Variants in AGBL4 observed in about 807,000 individuals in gnomAD.
AGBL4 encodes cytosolic carboxypeptidase 6.
AGBL4 carries 58 observed loss-of-function variants against 66.4 expected under a neutral mutation model. That is an observed-to-expected ratio of 0.87 (90% CI 0.71 to 1.09). The LOEUF (loss-of-function observed/expected upper bound fraction) is 1.09, where lower values mean the gene tolerates loss of function less well. Ranked by LOEUF, AGBL4 falls within the 50% of genes least tolerant of loss-of-function variation. AGBL4 has a pLI of 0.00. For synonymous variants in AGBL4, 234 were observed against 222.9 expected (o/e 1.05, Z -0.44); for missense variants, 579 against 631.0 (o/e 0.92, Z 0.88).
At chr1:49,275,058 C>T (rs1458903439) in intron 3 of AGBL4, among the ~76,000 whole-genome samples, 1 of 152,162 alleles carries the variant, frequency 6.6e-6, no homozygotes, top group African/African-American at 2.4e-5. Flanking sequence ...CAGTTATTTA[C>T]ATTTGTTCCA....
intron 6 of AGBL4, among the ~76,000 whole-genome samples, chr1:48,684,318 C>T (rs1646497958): frequency 1.3e-5 from 2 of 152,134 alleles, no homozygotes; most frequent in South Asian, 4.1e-4. Flanking sequence ...AGTGAATAGT[C>T]CAAAGAAGAA....
chr1:49,268,791 T>G (rs1002777230), intron 3 of AGBL4, among the ~76,000 whole-genome samples: 1 of 152,196 alleles, frequency 6.6e-6, no homozygotes, highest in Non-Finnish European at 1.5e-5. Context: ...CTTTTCTTGA[T>G]GAGACATTTA....
intron 1 of AGBL4, among the ~76,000 whole-genome samples, chr1:49,897,725 C>A (rs1231231016): frequency 6.6e-6 from 1 of 151,966 alleles, no homozygotes; most frequent in African/African-American, 2.4e-5. Flanking sequence ...GATAGTAACT[C>A]AAACAGCATG....
intron 1 of AGBL4, among the ~76,000 whole-genome samples, chr1:49,958,041 G>T (rs1001844085): frequency 1.3e-5 from 2 of 151,934 alleles, no homozygotes; most frequent in Admixed American, 6.6e-5. Flanking sequence ...AGGAGCTCTT[G>T]TAGGGCAGGC....
intron 5 of AGBL4, among the ~76,000 whole-genome samples, chr1:49,040,641 T>G (rs1421888822): frequency 6.6e-6 from 1 of 152,124 alleles, no homozygotes; most frequent in African/African-American, 2.4e-5. Flanking sequence ...TACTGATACA[T>G]GCTATAATAT....
At chr1:49,284,194 C>A (rs1024441456) in intron 3 of AGBL4, among the ~76,000 whole-genome samples, 3 of 152,130 alleles carry the variant, frequency 2.0e-5, no homozygotes, top group Non-Finnish European at 4.4e-5. Context: ...CCCTACAAGC[C>A]AGAAGAGAGT....
intron 6 of AGBL4, among the ~76,000 whole-genome samples, chr1:48,678,255 C>A (rs954919504): frequency 3.9e-5 from 6 of 152,180 alleles, no homozygotes; most frequent in Non-Finnish European, 7.3e-5. Flanking sequence ...TCTGCCCCAC[C>A]TTTGCTCTCT....
chr1:49,219,396 T>G (rs80080113), intron 4 of AGBL4, among the ~76,000 whole-genome samples: 1 of 152,292 alleles, frequency 6.6e-6, no homozygotes, highest in Non-Finnish European at 1.5e-5. Flanking sequence ...AATACAATTA[T>G]CAGTCTTTTC....
chr1:49,394,105 C>G (rs1229655414), intron 3 of AGBL4, among the ~76,000 whole-genome samples: 2 of 151,604 alleles, frequency 1.3e-5, no homozygotes, highest in African/African-American at 2.4e-5. Flanking sequence ...TATTTGGGAT[C>G]AAAAGTGTCA....
intron 3 of AGBL4, among the ~76,000 whole-genome samples, chr1:49,296,835 C>G (rs1380386592): frequency 6.6e-6 from 1 of 152,206 alleles, no homozygotes; most frequent in East Asian, 1.9e-4. Context: ...CAGCAGCAAC[C>G]TCAGTCAATG....
rs561733051 is a variant in AGBL4, at chr1:49,604,923, T to C, written c.282+92390A>G. On this transcript the variant is annotated intron_variant, in intron 3 of 13. Coordinates refer to ENST00000371839, the MANE Select transcript of AGBL4 (RefSeq NM_032785.4). ...CATACAGAGCTTTCAATGAATAAGA[T>C]TTTTTTCTACCTTTGTAATTATTAT... Among the ~76,000 whole-genome samples, 5 of 152,272 alleles carry C rather than the reference T, an allele frequency of 3.3e-5. No homozygotes were observed. In the South Asian group the frequency reaches 1.0e-3, roughly 32 times the overall value.
Position 49,161,004 on chromosome 1 carries a change from C to T in AGBL4, c.377+84766G>A, listed in dbSNP as rs952801959. Among the ~76,000 whole-genome samples the T allele has an allele frequency of 4.6e-5, 7 of 152,064 alleles. No individual in the cohort carries two copies. The South Asian group carries it at 6.2e-4, about 14-fold the overall frequency. On this transcript the variant is annotated intron_variant, in intron 4 of 13. Coordinates refer to ENST00000371839, the MANE Select transcript of AGBL4 (RefSeq NM_032785.4). ...TTCTGGGCTCCCTCGGGGTGGGAGT[C>T]GCCAAGCTAGACCACTTGGCTCCCT...
intron 3 of AGBL4, among the ~76,000 whole-genome samples, chr1:49,255,520 T>A (rs1652412363): frequency 6.6e-6 from 1 of 152,110 alleles, no homozygotes; most frequent in African/African-American, 2.4e-5. Context: ...AAATAGATAA[T>A]GGCAAGGTTG....
chr1:49,249,351 T>C (rs1651873472), intron 3 of AGBL4, among the ~76,000 whole-genome samples: 1 of 151,702 alleles, frequency 6.6e-6, no homozygotes, highest in South Asian at 2.1e-4. Context: ...ATAAACAGAA[T>C]ATATAAGGAA....
intron 6 of AGBL4, among the ~76,000 whole-genome samples, chr1:48,726,146 T>C (rs1647257830): frequency 6.6e-6 from 1 of 152,202 alleles, no homozygotes; most frequent in Non-Finnish European, 1.5e-5. Flanking sequence ...AATATATGCA[T>C]CAAACATTAC....
At chr1:49,788,762 G>A (rs936987585) in intron 2 of AGBL4, among the ~76,000 whole-genome samples, 11 of 152,290 alleles carry the variant, frequency 7.2e-5, no homozygotes, top group Middle Eastern at 3.4e-3. Flanking sequence ...CTTCGTGGAC[G>A]CATGGGAAAA....
intron 1 of AGBL4, among the ~76,000 whole-genome samples, chr1:49,964,873 C>A (rs1657424234): frequency 6.6e-6 from 1 of 152,022 alleles, no homozygotes; most frequent in Non-Finnish European, 1.5e-5. Context: ...TGATTTAGGA[C>A]ATTAGATTAT....
At chr1:49,798,539 T>C (rs1644784165) in intron 2 of AGBL4, among the ~76,000 whole-genome samples, 1 of 152,214 alleles carries the variant, frequency 6.6e-6, no homozygotes, top group Non-Finnish European at 1.5e-5. Flanking sequence ...ATTTTTATGA[T>C]TTTATTGTCT....
intron 4 of AGBL4, among the ~76,000 whole-genome samples, chr1:49,212,311 T>C (rs533179657): frequency 6.6e-6 from 1 of 152,210 alleles, no homozygotes; most frequent in Non-Finnish European, 1.5e-5. Context: ...ATCTTATCCT[T>C]CCAATTTATC....
Sources: gnomAD v4.1 joint callset for allele counts (sites outside exome capture counted in the v4.1 genomes callset) on GRCh38, gnomAD v4.1.1 for gene constraint, MANE v1.5 for transcripts, NCBI Gene and HGNC (gene_info 2026-07-23, HGNC 2026-07-21) for gene names.